Variants in RCHY1 observed in about 807,000 individuals in gnomAD.
The protein encoded by RCHY1 is RING finger and CHY zinc finger domain-containing protein 1.
RCHY1 carries 21 observed loss-of-function variants against 41.6 expected under a neutral mutation model. The observed-to-expected ratio is 0.51, with a 90% CI of 0.36 to 0.73. The LOEUF (loss-of-function observed/expected upper bound fraction) is 0.73. Ranked by LOEUF, RCHY1 falls within the 30% of genes least tolerant of loss-of-function variation. The probability of loss-of-function intolerance (pLI) is 0.00; values close to 1 mark genes in which losing one functional copy is unlikely to be tolerated. For synonymous variants in RCHY1, 79 were observed against 102.9 expected, an observed-to-expected ratio of 0.77 and a Z score of 1.41; for missense variants, 265 against 325.3, an observed-to-expected ratio of 0.81 and a Z score of 1.43.
intron 3 of RCHY1, among the ~76,000 whole-genome samples, chr4:75,500,673 G>A (rs1029362342): frequency 6.6e-6 from 1 of 152,166 alleles, no homozygotes; most frequent in Non-Finnish European, 1.5e-5. Context: ...ATATATCTTA[G>A]ATGAAGCAAT....
At position 75,487,528 on chromosome 4, in the gene RCHY1, A is replaced by AATAT. The variant is rs376115200; in HGVS notation, c.657+3049_657+3052dup. Among the ~76,000 whole-genome samples, 209 of 72,526 alleles carry AATAT rather than the reference A, an allele frequency of 2.9e-3. 3 individuals carry two copies. Among genetic ancestry groups the AATAT allele is most frequent in the South Asian group, 7.9e-3 (21 of 2,654 alleles). The allele number at this position is 72,526 out of a possible 152,430, so 47.6% of individuals were successfully genotyped here. ...ATATATTCATAATATATATATTCAT[A>AATAT]ATATATTCATAATATATATATTCAT... On this transcript the variant is annotated intron_variant, in intron 8 of 8. Coordinates refer to ENST00000324439, the MANE Select transcript of RCHY1 (RefSeq NM_015436.4).
intron 3 of RCHY1, chr4:75,494,465 T>C (rs1469686118): frequency 9.9e-6 from 3 of 304,400 alleles, no homozygotes; most frequent in Non-Finnish European, 1.8e-5. Flanking sequence ...CATTAATGGA[T>C]TCTTTCTACA....
chr4:75,501,815 A>G (rs1200593279), intron 3 of RCHY1, among the ~76,000 whole-genome samples: 1 of 152,268 alleles, frequency 6.6e-6, no homozygotes, highest in Non-Finnish European at 1.5e-5. Context: ...GCGGTGGCTC[A>G]CGCCTATAAT....
At chr4:75,505,314 C>G (rs1278840540) in intron 3 of RCHY1, among the ~76,000 whole-genome samples, 1 of 152,188 alleles carries the variant, frequency 6.6e-6, no homozygotes, top group African/African-American at 2.4e-5. Flanking sequence ...GCACCAGAAT[C>G]CGCACCCCAA....
chr4:75,496,720 C>G (rs1723243059), intron 3 of RCHY1, among the ~76,000 whole-genome samples: 1 of 152,120 alleles, frequency 6.6e-6, no homozygotes, highest in African/African-American at 2.4e-5. Context: ...AAAGTCTAAA[C>G]TGTTTCCAAG....
At chr4:75,513,605 TA>T (rs956868643) in intron 1 of RCHY1, among the ~76,000 whole-genome samples, 11 of 151,474 alleles carry the variant, frequency 7.3e-5, no homozygotes, top group East Asian at 1.9e-4. Context: ...CGTGCCAATT[TA>T]AAAAAAAATA....
rs1332389831 is a variant in RCHY1 at position 75,479,640 on chromosome 4, T to A, written c.*2898A>T. On this transcript the variant is annotated 3_prime_UTR_variant, in exon 9 of 9. Coordinates refer to ENST00000324439, the MANE Select transcript of RCHY1 (RefSeq NM_015436.4). The stretch of plus-strand genomic sequence containing the variant: ...AAATGAACAACTTGATATACACTCA[T>A]TTTTTTTTTATACATACATCTTTAA... 1 of 148,922 alleles carries A rather than the reference T, an allele frequency of 6.7e-6. No individual in the cohort carries two copies. Among genetic ancestry groups the A allele is most frequent in the Admixed American group, 6.7e-5 (1 of 14,914 alleles). 9.2% of individuals were successfully genotyped at this position (148,922 alleles called of 1,614,324 possible).
At chr4:75,487,867 AATATATATTCATAATATATATATTCAT>A (rs1560513733) in intron 8 of RCHY1, among the ~76,000 whole-genome samples, 9 of 70,834 alleles carry the variant, frequency 1.3e-4, no homozygotes, top group East Asian at 8.2e-4. Context: ...ATATATTCAT[AATATATATTCATAATATATATATTCAT>A]ATATATATTC....
Position 75,482,496 on chromosome 4 carries a change from T to C in RCHY1, c.*42A>G. On this transcript the variant is annotated 3_prime_UTR_variant, in exon 9 of 9. Transcript: ENST00000324439. ...CACGATACCAAGGAAAGCCTTTTTC[T>C]ATATCAGAAAATGCCAAGTTCTCCA... is the stretch of plus-strand genomic sequence containing the variant. 1.3e-6 allele frequency: 2 copies of C among 1,540,968 alleles called. No homozygotes were observed. The highest frequency in any genetic ancestry group is 1.3e-5 in the South Asian group (1 of 79,928).
chr4:75,487,963 A>T (rs1722394463), intron 8 of RCHY1, among the ~76,000 whole-genome samples: 2 of 145,468 alleles, frequency 1.4e-5, no homozygotes, highest in Non-Finnish European at 3.0e-5. Flanking sequence ...CACACTTGAC[A>T]AGCTTCCCAA....
chr4:75,488,167 T>C (rs1578208867), intron 8 of RCHY1, among the ~76,000 whole-genome samples: 5 of 151,934 alleles, frequency 3.3e-5, no homozygotes, highest in Admixed American at 2.6e-4. Flanking sequence ...TCCAAAATTA[T>C]ATGAGATTCT....
rs909574468 is a variant in RCHY1, at chr4:75,479,166, G to A, written c.*3372C>T. 6.6e-6 allele frequency: 1 copy of A among 151,710 alleles called. No homozygotes were observed. The highest frequency in any genetic ancestry group is 2.4e-5 in the African/African-American group (1 of 41,286). The allele number at this position is 151,710 out of a possible 1,614,324, so 9.4% of individuals were successfully genotyped here. On this transcript the variant is annotated 3_prime_UTR_variant, in exon 9 of 9. Transcript: ENST00000324439. ...TTTTTTACCACAAAAAATGGTATGAGGCAATAAATTTATTACATTGATTTA... is the reference window on the plus strand; with the variant it reads ...TTTTTTACCACAAAAAATGGTATGAAGCAATAAATTTATTACATTGATTTA...
chr4:75,493,119 T>C (rs1275242698), intron 4 of RCHY1, among the ~76,000 whole-genome samples: 1 of 151,974 alleles, frequency 6.6e-6, no homozygotes, highest in Non-Finnish European at 1.5e-5. Flanking sequence ...GACTCCTGGC[T>C]ATCTCCATTA....
Position 75,479,426 on chromosome 4 carries a change from T to A in RCHY1, c.*3112A>T, listed in dbSNP as rs1272950936. The stretch of plus-strand genomic sequence containing the variant: ...TCTTTAGTACTTAGTAAATTTATTT[T>A]GATGCATGACCAAAATAAAAGGGAA... On this transcript the variant is annotated 3_prime_UTR_variant, in exon 9 of 9. Transcript: ENST00000324439. 6.6e-6 allele frequency: 1 copy of A among 152,122 alleles called. No homozygotes were observed. Among genetic ancestry groups the A allele is most frequent in the Admixed American group, 6.6e-5 (1 of 15,262 alleles). 9.4% of individuals were successfully genotyped at this position (152,122 alleles called of 1,614,324 possible).
chr4:75,490,741 AG>A (rs749178150), intron 7 of RCHY1, 40 bp from the exon 8 acceptor site: 2 of 1,514,398 alleles, frequency 1.3e-6, no homozygotes, highest in Non-Finnish European at 1.8e-6. Context: ...ATATTAAACA[AG>A]AATATATTAA....
rs1725344024 is a variant in RCHY1, at chr4:75,514,403, T to C, written c.-117A>G. The C allele has an allele frequency of 8.4e-7, 1 of 1,192,348 alleles. No individual in the cohort carries two copies. Among genetic ancestry groups the C allele is most frequent in the Non-Finnish European group, 1.2e-6 (1 of 864,502 alleles). The allele number at this position is 1,192,348 out of a possible 1,614,324, so 73.9% of individuals were successfully genotyped here. ...GCCCCAGCGGCCACTAGCGACAATA[T>C]GGCTCCTAAGCACGTGACCCGGGGC... On this transcript the variant is annotated 5_prime_UTR_variant, in exon 1 of 9. Transcript: ENST00000324439.
intron 3 of RCHY1, among the ~76,000 whole-genome samples, chr4:75,507,106 C>G (rs1448124224): frequency 2.0e-5 from 3 of 151,938 alleles, no homozygotes; most frequent in Non-Finnish European, 4.4e-5. Context: ...AATGTATCAT[C>G]AGCAGGACCT....
rs958597367 is a variant in RCHY1 at position 75,479,675 on chromosome 4, A to C, written c.*2863T>G. ...ATACATACATCTTTAATGATAAAAGAAGCTGAGATGCTATGCACCAAAAAA... is the reference window on the plus strand; with the variant it reads ...ATACATACATCTTTAATGATAAAAGCAGCTGAGATGCTATGCACCAAAAAA... On this transcript the variant is annotated 3_prime_UTR_variant, in exon 9 of 9. Coordinates refer to ENST00000324439, the MANE Select transcript of RCHY1 (RefSeq NM_015436.4). 8 of 152,158 alleles carry C rather than the reference A, an allele frequency of 5.3e-5. No individual in the cohort carries two copies. Among genetic ancestry groups the C allele is most frequent in the Non-Finnish European group, 1.0e-4 (7 of 67,998 alleles). 9.4% of individuals were successfully genotyped at this position (152,158 alleles called of 1,614,324 possible).
chr4:75,514,524 A>G (rs558868958), upstream of RCHY1: 14 of 499,150 alleles, frequency 2.8e-5, no homozygotes, highest in Non-Finnish European at 4.0e-5. Context: ...GCTAACGGTA[A>G]TAACTCTTAG....
Sources: allele counts gnomAD v4.1 joint callset (sites outside exome capture counted in the v4.1 genomes callset), GRCh38; gene constraint gnomAD v4.1.1; transcripts MANE v1.5; gene names NCBI Gene and HGNC (gene_info 2026-07-23, HGNC 2026-07-21).